RALGAPA1: variants seen among roughly 807,000 people sequenced by gnomAD.
RALGAPA1 encodes the protein Ral GTPase activating protein catalytic subunit alpha 1, also known as ral GTPase-activating protein subunit alpha-1.
RALGAPA1 carries 52 observed loss-of-function variants against 269.6 expected under a neutral mutation model. The ratio of observed to expected loss-of-function variants is 0.19; its 90% confidence interval spans 0.15 to 0.24. The LOEUF is 0.24. RALGAPA1 is among the 10% of genes least tolerant of loss of function. The pLI, the probability that RALGAPA1 is intolerant of heterozygous loss-of-function variation, is 1.00. For synonymous variants in RALGAPA1, 817 were observed against 1,008.3 expected, an observed-to-expected ratio of 0.81 and a Z score of 3.60; for missense variants, 1,917 against 3,013.9, an observed-to-expected ratio of 0.64 and a Z score of 8.52.
chr14:35,613,894 G>A (rs1195635346), intron 35 of RALGAPA1, among the ~76,000 whole-genome samples: 1 of 152,028 alleles, frequency 6.6e-6, no homozygotes. Context: ...CATATATATA[G>A]TCAATTATCA....
chr14:35,574,975 A>T (rs914974017), intron 37 of RALGAPA1, among the ~76,000 whole-genome samples: 1 of 151,858 alleles, frequency 6.6e-6, no homozygotes, highest in African/African-American at 2.4e-5. Context: ...TAAAAATACA[A>T]AAATTAGACA....
intron 8 of RALGAPA1, among the ~76,000 whole-genome samples, 190 bp from the exon 9 acceptor site, chr14:35,750,880 C>A (rs765503199): frequency 6.6e-6 from 1 of 152,024 alleles, no homozygotes; most frequent in Admixed American, 6.6e-5. Context: ...ACCATATATA[C>A]CAGGATGATA....
intron 16 of RALGAPA1, among the ~76,000 whole-genome samples, chr14:35,715,424 CTTCAAACAT>C (rs2068728924): frequency 6.6e-6 from 1 of 151,916 alleles, no homozygotes; most frequent in African/African-American, 2.4e-5. Context: ...TCATTTTCCT[CTTCAAACAT>C]TTCAAACATG....
intron 41 of RALGAPA1, 28 bp downstream of exon 41, chr14:35,548,480 G>C: frequency 6.6e-7 from 1 of 1,518,622 alleles, no homozygotes; most frequent in Non-Finnish European, 8.9e-7. Context: ...GAAGAACAGA[G>C]GGTGTTTTGG....
chr14:35,765,600 A>C (rs1477781210), intron 4 of RALGAPA1, among the ~76,000 whole-genome samples: 1 of 151,894 alleles, frequency 6.6e-6, no homozygotes, highest in African/African-American at 2.4e-5. Flanking sequence ...TCTTGGTCTC[A>C]AGTTATCCTC....
chr14:35,609,959 C>T (rs987006806), intron 35 of RALGAPA1, among the ~76,000 whole-genome samples: 9 of 145,026 alleles, frequency 6.2e-5, no homozygotes, highest in Non-Finnish European at 1.1e-4. Context: ...AAAGAAAGCA[C>T]AATTAAATTC....
At chr14:35,693,204 C>T (rs1190467974) in intron 17 of RALGAPA1, among the ~76,000 whole-genome samples, 1 of 151,244 alleles carries the variant, frequency 6.6e-6, no homozygotes, top group African/African-American at 2.4e-5. Context: ...TAAAGCCAGG[C>T]TTTAGTTATA....
At chr14:35,635,350 T>C in intron 32 of RALGAPA1, 114 bp downstream of exon 32, 2 of 1,217,400 alleles carry the variant, frequency 1.6e-6, no homozygotes, top group Admixed American at 3.3e-5. Context: ...TAAATATGTG[T>C]TCTTAGAAAT....
At chr14:35,564,353 A>G (rs571481503) in intron 39 of RALGAPA1, 2 of 152,220 alleles carry the variant, frequency 1.3e-5, no homozygotes, top group African/African-American at 4.8e-5. Flanking sequence ...AATGGCAACA[A>G]TACTGACAGA....
chr14:35,636,634 C>T (rs1313241191), intron 31 of RALGAPA1, among the ~76,000 whole-genome samples: 1 of 152,150 alleles, frequency 6.6e-6, no homozygotes, highest in African/African-American at 2.4e-5. Context: ...GATTCTTGCA[C>T]CTCAGCCACC....
intron 33 of RALGAPA1, among the ~76,000 whole-genome samples, chr14:35,630,446 C>G (rs1440912059): frequency 2.0e-5 from 3 of 152,184 alleles, no homozygotes. Context: ...TGCCACCACG[C>G]CTGGCTAATT....
At chr14:35,774,005 C>A (rs1197104855) in intron 3 of RALGAPA1, among the ~76,000 whole-genome samples, 1 of 152,106 alleles carries the variant, frequency 6.6e-6, no homozygotes, top group Non-Finnish European at 1.5e-5. Flanking sequence ...TTTCGACCTC[C>A]TGGGTTCAAG....
At chr14:35,660,648 A>G (rs908362175) in intron 27 of RALGAPA1, among the ~76,000 whole-genome samples, 7 of 152,132 alleles carry the variant, frequency 4.6e-5, no homozygotes, top group African/African-American at 1.7e-4. Context: ...GTGTACTCCT[A>G]TGTTCATTGC....
intron 37 of RALGAPA1, among the ~76,000 whole-genome samples, chr14:35,581,738 G>A (rs2057964871): frequency 6.6e-6 from 1 of 152,102 alleles, no homozygotes; most frequent in African/African-American, 2.4e-5. Context: ...AATAACAAGT[G>A]TTGGCAAAGA....
At chr14:35,734,523 C>T (rs186215247) in intron 12 of RALGAPA1, among the ~76,000 whole-genome samples, 1 of 152,116 alleles carries the variant, frequency 6.6e-6, no homozygotes. Flanking sequence ...AAAACTGGAT[C>T]CTCATCTCTA....
chr14:35,748,834 A>C lies in RALGAPA1; in HGVS notation c.1012-10T>G, dbSNP rs2072396594. On this transcript the variant is annotated splice_polypyrimidine_tract_variant and intron_variant, in intron 9 of 41. Transcript: ENST00000680220. ...AACTAGCAGCTGCTCTCTAAAATAC[A>C]AAAAAAAAAAAAAAAGAGAGAAACA... 1 of 194,946 alleles carries C rather than the reference A, an allele frequency of 5.1e-6. No homozygotes were observed. Among genetic ancestry groups the C allele is most frequent in the Non-Finnish European group, 8.9e-6 (1 of 112,248 alleles). 12.1% of individuals were successfully genotyped at this position (194,946 alleles called of 1,614,324 possible).
chr14:35,674,446 T>G, intron 23 of RALGAPA1, 70 bp downstream of exon 23: 1 of 1,419,414 alleles, frequency 7.0e-7, no homozygotes, highest in Admixed American at 2.2e-5. Flanking sequence ...CACAAATGTT[T>G]TCTAAGGCTT....
intron 16 of RALGAPA1, among the ~76,000 whole-genome samples, chr14:35,720,065 A>G (rs2069248643): frequency 6.6e-6 from 1 of 152,190 alleles, no homozygotes; most frequent in Admixed American, 6.5e-5. Context: ...AATTCTTAAT[A>G]CACAAATATT....
chr14:35,761,066 G>T, intron 5 of RALGAPA1, 60 bp from the exon 6 acceptor site: 1 of 1,276,558 alleles, frequency 7.8e-7, no homozygotes, highest in Non-Finnish European at 1.1e-6. Context: ...TTCTTCCTTT[G>T]AAAAACAAAG....
Sources: gnomAD v4.1 joint callset for allele counts (sites outside exome capture counted in the v4.1 genomes callset) on GRCh38, gnomAD v4.1.1 for gene constraint, MANE v1.5 for transcripts, NCBI Gene and HGNC (gene_info 2026-07-23, HGNC 2026-07-21) for gene names.